Variants in DLGAP2 observed in about 807,000 individuals in gnomAD.
The protein encoded by DLGAP2 is disks large-associated protein 2.
A neutral mutation model predicts 100.3 loss-of-function variants in DLGAP2; 26 were observed. The observed-to-expected ratio is 0.26, with a 90% CI of 0.19 to 0.36. The LOEUF (loss-of-function observed/expected upper bound fraction) is 0.36. DLGAP2 is among the 10% of genes least tolerant of loss of function. The pLI, the probability that DLGAP2 is intolerant of heterozygous loss-of-function variation, is 1.00. For missense variants in DLGAP2, 1,858 were observed against 1,453.2 expected, an observed-to-expected ratio of 1.28 and a Z score of -4.53; for synonymous variants, 886 against 630.1, an observed-to-expected ratio of 1.41 and a Z score of -6.08.
At chr8:1,281,040 T>C (rs1268669147) in intron 3 of DLGAP2, among the ~76,000 whole-genome samples, 1 of 152,182 alleles carries the variant, frequency 6.6e-6, no homozygotes, top group East Asian at 1.9e-4. Flanking sequence ...GCCTTCTCTG[T>C]AAAAATGAGA....
At chr8:1,695,487 G>A (rs1360316223) in intron 13 of DLGAP2, among the ~76,000 whole-genome samples, 77 of 138,286 alleles carry the variant, frequency 5.6e-4, no homozygotes, top group South Asian at 2.6e-3. Flanking sequence ...GAAAGAGGGG[G>A]CACAGCCATG....
intron 2 of DLGAP2, among the ~76,000 whole-genome samples, chr8:954,140 A>G (rs189237647): frequency 1.9e-3 from 286 of 152,192 alleles, no homozygotes; most frequent in African/African-American, 6.2e-3. Context: ...GGTTGTCCAC[A>G]CTGCCTAAGA....
In DLGAP2 at chr8:1,640,920, A is replaced by T. The variant is rs550364176; in HGVS notation, c.1810+7874A>T. ...TTATGTACTTTATCCGTTGTGCGCT[A>T]AGCCTATAGGATGAGTGGATGAAAG... On this transcript the variant is annotated intron_variant, in intron 8 of 14. Transcript: ENST00000637795. 2.6e-5 allele frequency among the ~76,000 whole-genome samples: 4 copies of T among 152,348 alleles called. No individual in the cohort carries two copies. In the East Asian group the frequency reaches 7.7e-4, roughly 29 times the overall value.
chr8:1,435,707 C>A (rs142192416), intron 3 of DLGAP2, among the ~76,000 whole-genome samples: 130 of 151,804 alleles, frequency 8.6e-4, no homozygotes, highest in African/African-American at 2.9e-3. Context: ...CGGAAGAAGG[C>A]ACTGTGGTCG....
intron 3 of DLGAP2, among the ~76,000 whole-genome samples, chr8:1,306,207 C>T (rs1014067854): frequency 6.6e-6 from 1 of 151,880 alleles, no homozygotes; most frequent in Non-Finnish European, 1.5e-5. Context: ...CACCCACACA[C>T]ACCTACACAA....
rs576917514 is a variant in DLGAP2 at position 837,757 on chromosome 8, C to T, written c.19-70155C>T. Reference sequence around the variant, plus strand: ...TTTTAGACGGAGTCTCACTCTGTTGCCCAGGCTGGAGTGCAGTGGTGCGAT... The same window carrying T: ...TTTTAGACGGAGTCTCACTCTGTTGTCCAGGCTGGAGTGCAGTGGTGCGAT... On this transcript the variant is annotated intron_variant, in intron 1 of 14. Coordinates refer to ENST00000637795, the MANE Select transcript of DLGAP2 (RefSeq NM_001346810.2). Among the ~76,000 whole-genome samples, 683 of 150,438 alleles carry T rather than the reference C, an allele frequency of 4.5e-3. 1 individual carries two copies. The highest frequency in any genetic ancestry group is 7.4e-3 in the Non-Finnish European group (498 of 67,690).
At chr8:1,555,980 T>G (rs144590183) in intron 5 of DLGAP2, among the ~76,000 whole-genome samples, 1 of 152,308 alleles carries the variant, frequency 6.6e-6, no homozygotes, top group Non-Finnish European at 1.5e-5. Context: ...CATGGAACAC[T>G]GGGTGGGTGC....
chr8:766,174 C>G (rs971867862), intron 1 of DLGAP2, among the ~76,000 whole-genome samples: 2 of 152,178 alleles, frequency 1.3e-5, no homozygotes, highest in Non-Finnish European at 1.5e-5. Flanking sequence ...CTCAAAAAAA[C>G]AAAAAACAAG....
At chr8:983,247 T>A (rs1295187999) in intron 2 of DLGAP2, among the ~76,000 whole-genome samples, 1 of 152,162 alleles carries the variant, frequency 6.6e-6, no homozygotes, top group East Asian at 1.9e-4. Context: ...TGTTCTTGTG[T>A]CCCTTAGAAT....
At chr8:884,484 T>G (rs1401616486) in intron 1 of DLGAP2, among the ~76,000 whole-genome samples, 1 of 152,176 alleles carries the variant, frequency 6.6e-6, no homozygotes, top group Non-Finnish European at 1.5e-5. Context: ...TTCGATGTTT[T>G]TTTTTTCCTG....
chr8:970,673 T>A (rs1449143734), intron 2 of DLGAP2, among the ~76,000 whole-genome samples: 1 of 152,258 alleles, frequency 6.6e-6, no homozygotes, highest in African/African-American at 2.4e-5. Flanking sequence ...GTGTGTTCTG[T>A]GTCCTTAGAG....
chr8:1,470,594 A>G (rs929600206), intron 3 of DLGAP2, among the ~76,000 whole-genome samples: 2 of 152,166 alleles, frequency 1.3e-5, no homozygotes, highest in African/African-American at 4.8e-5. Flanking sequence ...TTGATGTTTG[A>G]CTAAATCCCA....
chr8:1,658,440 G>C (rs965733145), intron 8 of DLGAP2, among the ~76,000 whole-genome samples: 2 of 152,112 alleles, frequency 1.3e-5, no homozygotes, highest in African/African-American at 4.8e-5. Flanking sequence ...AGAACGTGCA[G>C]TTTTGTTACG....
intron 8 of DLGAP2, among the ~76,000 whole-genome samples, chr8:1,652,683 A>G (rs2130811997): frequency 6.6e-6 from 1 of 152,314 alleles, no homozygotes; most frequent in South Asian, 2.1e-4. Flanking sequence ...GCACTTATGT[A>G]AAACTTATTT....
At chr8:1,351,500 T>C (rs374613277) in intron 3 of DLGAP2, among the ~76,000 whole-genome samples, 310 of 12,202 alleles carry the variant, frequency 0.025, 24 homozygotes, top group African/African-American at 0.037. Flanking sequence ...GTGGATAGGC[T>C]GTGCGGGTCC....
chr8:1,281,217 CACA>C (rs1269956235), intron 3 of DLGAP2, among the ~76,000 whole-genome samples: 1 of 152,222 alleles, frequency 6.6e-6, no homozygotes, highest in Non-Finnish European at 1.5e-5. Flanking sequence ...GTGCTGATTT[CACA>C]ACTTCAGAAT....
At chr8:1,468,872 C>G (rs1019897319) in intron 3 of DLGAP2, among the ~76,000 whole-genome samples, 7 of 152,264 alleles carry the variant, frequency 4.6e-5, no homozygotes, top group African/African-American at 1.7e-4. Flanking sequence ...CGCTGCCCGG[C>G]CCAGACTCTC....
At chr8:1,653,883 A>C (rs981651172) in intron 8 of DLGAP2, among the ~76,000 whole-genome samples, 1 of 152,222 alleles carries the variant, frequency 6.6e-6, no homozygotes, top group African/African-American at 2.4e-5. Context: ...GGTGTAAGTC[A>C]GAGGTAACAC....
chr8:1,177,109 T>C (rs1330451714), intron 2 of DLGAP2, among the ~76,000 whole-genome samples: 3 of 152,332 alleles, frequency 2.0e-5, no homozygotes, highest in African/African-American at 4.8e-5. Context: ...TAACCTGTTA[T>C]ACGTGGTCTA....
Sources: gnomAD v4.1 joint callset for allele counts (sites outside exome capture counted in the v4.1 genomes callset) on GRCh38, gnomAD v4.1.1 for gene constraint, MANE v1.5 for transcripts, NCBI Gene and HGNC (gene_info 2026-07-23, HGNC 2026-07-21) for gene names.